The following NRG3 variants were observed in gnomAD, a reference collection of about 807,000 sequenced individuals.
NRG3 encodes the protein neuregulin 3.
A neutral mutation model predicts 66.9 loss-of-function variants in NRG3; 31 were observed. That is an observed-to-expected ratio of 0.46 (90% confidence interval 0.35 to 0.63). The LOEUF (loss-of-function observed/expected upper bound fraction) is 0.63, where lower values mean the gene tolerates loss of function less well. NRG3 is among the 20% of genes least tolerant of loss of function. The pLI is 0.00. For synonymous variants in NRG3, 393 were observed against 359.4 expected (o/e 1.09, Z -1.06); for missense variants, 910 against 878.9 (o/e 1.04, Z -0.45).
intron 1 of NRG3, among the ~76,000 whole-genome samples, chr10:82,119,214 C>T (rs1448685668): frequency 2.0e-5 from 3 of 151,970 alleles, no homozygotes; most frequent in Non-Finnish European, 4.4e-5. Context: ...ATATACAATA[C>T]TGTATTCTTA....
At chr10:82,294,606 TTAAA>T (rs1302437609) in intron 1 of NRG3, among the ~76,000 whole-genome samples, 1 of 152,146 alleles carries the variant, frequency 6.6e-6, no homozygotes, top group Non-Finnish European at 1.5e-5. Flanking sequence ...ACAATGCACT[TTAAA>T]TACTACTTTA....
chr10:82,279,625 T>G (rs1240329064), intron 1 of NRG3, among the ~76,000 whole-genome samples: 1 of 152,208 alleles, frequency 6.6e-6, no homozygotes, highest in Non-Finnish European at 1.5e-5. Context: ...TAAATGATTT[T>G]CCTTAAATCA....
chr10:82,313,405 A>G (rs1421483674), intron 1 of NRG3, among the ~76,000 whole-genome samples: 30 of 152,096 alleles, frequency 2.0e-4, no homozygotes, highest in Admixed American at 2.0e-3. Flanking sequence ...AATTGTTGCG[A>G]TTATCATTAT....
At chr10:81,879,231 C>T (rs1404606063) in intron 1 of NRG3, among the ~76,000 whole-genome samples, 3 of 152,130 alleles carry the variant, frequency 2.0e-5, no homozygotes, top group African/African-American at 4.8e-5. Context: ...TTAAACATAT[C>T]GCCAGGGGAG....
intron 2 of NRG3, among the ~76,000 whole-genome samples, chr10:82,698,177 T>C (rs2055548422): frequency 9.5e-6 from 1 of 105,290 alleles, no homozygotes; most frequent in Admixed American, 1.0e-4. Flanking sequence ...ACACGTTTGA[T>C]TTTTTTGTTT....
At chr10:81,972,770 G>A (rs562134903) in intron 1 of NRG3, among the ~76,000 whole-genome samples, 65 of 152,024 alleles carry the variant, frequency 4.3e-4, no homozygotes, top group Admixed American at 5.9e-4. Flanking sequence ...AATAACGGTT[G>A]ATTTTTTTCA....
intron 1 of NRG3, among the ~76,000 whole-genome samples, chr10:82,219,948 C>T (rs577135189): frequency 6.6e-5 from 10 of 151,842 alleles, no homozygotes; most frequent in South Asian, 4.2e-4. Context: ...CACAACTTTA[C>T]GAGAGTAAAT....
Position 82,207,369 on chromosome 10 carries a change from G to T in NRG3, c.824-151370G>T, listed in dbSNP as rs548322271. 3.9e-5 allele frequency among the ~76,000 whole-genome samples: 6 copies of T among 152,236 alleles called. No individual in the cohort carries two copies. The South Asian group carries it at 1.2e-3, about 32-fold the overall frequency. On this transcript the variant is annotated intron_variant, in intron 1 of 8. Coordinates refer to ENST00000372141, the MANE Select transcript of NRG3 (RefSeq NM_001010848.4). ...GAAGTGCACGGGTCATTTGTTAGTGGATGAATGTGGGCAAGTTACTTTACC... is the reference window on the plus strand; with the variant it reads ...GAAGTGCACGGGTCATTTGTTAGTGTATGAATGTGGGCAAGTTACTTTACC...
Position 82,575,154 on chromosome 10 carries a change from T to C in NRG3, c.954-163423T>C, listed in dbSNP as rs2045957836. Among the ~76,000 whole-genome samples, 3 of 151,820 alleles carry C rather than the reference T, an allele frequency of 2.0e-5. No homozygotes were observed. In the South Asian group the frequency reaches 6.2e-4, roughly 31 times the overall value. On this transcript the variant is annotated intron_variant, in intron 2 of 8. Transcript: ENST00000372141. ...TTAGCATTCCACAATGCATACGTAT[T>C]TTACAATATGTTGTACACAAGAAAT...
intron 3 of NRG3, among the ~76,000 whole-genome samples, chr10:82,790,384 A>G (rs1000959144): frequency 6.6e-6 from 1 of 151,940 alleles, no homozygotes; most frequent in Non-Finnish European, 1.5e-5. Flanking sequence ...TTCTTTCAAC[A>G]GTTTGAATAT....
chr10:82,162,808 A>AT (rs1564622159), intron 1 of NRG3, among the ~76,000 whole-genome samples: 20 of 152,292 alleles, frequency 1.3e-4, no homozygotes, highest in Admixed American at 1.3e-3. Context: ...CATAAGCCAA[A>AT]GTCCTCCCTT....
chr10:82,683,874 A>C (rs1251900608), intron 2 of NRG3, among the ~76,000 whole-genome samples: 2 of 152,146 alleles, frequency 1.3e-5, no homozygotes, highest in Non-Finnish European at 1.5e-5. Flanking sequence ...TTTTCTTTAC[A>C]TTTTCCTAAA....
rs564935570 is a variant in NRG3, at chr10:82,284,188, G to T, written c.824-74551G>T. ...GGAGCTGCAGAGATGACAGTGAAAA[G>T]GTACATGGCAAGTGATGAATGGTCA... is the stretch of plus-strand genomic sequence containing the variant. On this transcript the variant is annotated intron_variant, in intron 1 of 8. Transcript: ENST00000372141. 3.0e-4 allele frequency among the ~76,000 whole-genome samples: 45 copies of T among 152,308 alleles called. 1 individual carries two copies. Among genetic ancestry groups the T allele is most frequent in the African/African-American group, 1.0e-3 (43 of 41,566 alleles).
chr10:82,959,508 A>C (rs534081262), intron 6 of NRG3, among the ~76,000 whole-genome samples: 36 of 152,118 alleles, frequency 2.4e-4, no homozygotes, highest in Non-Finnish European at 5.1e-4. Context: ...GAGGTTGGAC[A>C]AGAGGAAGCC....
At chr10:82,304,091 G>A (rs945487689) in intron 1 of NRG3, among the ~76,000 whole-genome samples, 6 of 152,034 alleles carry the variant, frequency 3.9e-5, no homozygotes, top group African/African-American at 1.4e-4. Flanking sequence ...GTGCCAAATT[G>A]TTTTACAAGG....
intron 2 of NRG3, among the ~76,000 whole-genome samples, chr10:82,589,775 T>C (rs1317791707): frequency 6.6e-6 from 1 of 152,218 alleles, no homozygotes; most frequent in Non-Finnish European, 1.5e-5. Context: ...TTTTCATGTA[T>C]CATATATTTG....
At chr10:82,280,549 C>G (rs2079070931) in intron 1 of NRG3, among the ~76,000 whole-genome samples, 1 of 152,116 alleles carries the variant, frequency 6.6e-6, no homozygotes, top group South Asian at 2.1e-4. Flanking sequence ...TGAAGATGAC[C>G]AAACACACTC....
intron 2 of NRG3, among the ~76,000 whole-genome samples, chr10:82,422,507 C>CA (rs911853847): frequency 1.4e-3 from 209 of 150,718 alleles, no homozygotes; most frequent in African/African-American, 4.7e-3. Context: ...TGGATGTTAG[C>CA]AAAAAAAAAT....
intron 1 of NRG3, among the ~76,000 whole-genome samples, chr10:82,305,313 A>G (rs958552303): frequency 1.3e-5 from 2 of 152,074 alleles, no homozygotes; most frequent in African/African-American, 4.8e-5. Flanking sequence ...CAGATTCTTA[A>G]AGCAGGTTTA....
Sources: gnomAD v4.1 joint callset for allele counts (sites outside exome capture counted in the v4.1 genomes callset) on GRCh38, gnomAD v4.1.1 for gene constraint, MANE v1.5 for transcripts, NCBI Gene and HGNC (gene_info 2026-07-23, HGNC 2026-07-21) for gene names.